STARD3NL: variants seen among roughly 807,000 people sequenced by gnomAD.
STARD3NL encodes the protein STARD3 N-terminal like.
A neutral mutation model predicts 30.9 loss-of-function variants in STARD3NL; 17 were observed. The observed-to-expected ratio is 0.55, with a 90% CI of 0.38 to 0.82. The LOEUF (loss-of-function observed/expected upper bound fraction) is 0.82, where lower values mean the gene tolerates loss of function less well. STARD3NL is among the 40% of genes least tolerant of loss of function. The probability of loss-of-function intolerance (pLI) is 0.00; values close to 1 mark genes in which losing one functional copy is unlikely to be tolerated. For missense variants in STARD3NL, 234 were observed against 277.6 expected (o/e 0.84, Z 1.12); for synonymous variants, 112 against 100.5 (o/e 1.11, Z -0.69).
intron 1 of STARD3NL, among the ~76,000 whole-genome samples, chr7:38,192,573 T>C (rs1784730991): frequency 6.6e-6 from 1 of 152,182 alleles, no homozygotes; most frequent in Non-Finnish European, 1.5e-5. Context: ...TGTGATTTTT[T>C]ACCATGATGA....
At chr7:38,194,022 A>G (rs1334657368) in intron 1 of STARD3NL, among the ~76,000 whole-genome samples, 2 of 152,286 alleles carry the variant, frequency 1.3e-5, no homozygotes, top group Middle Eastern at 3.4e-3. Context: ...AAATGCCCAT[A>G]AAACTGTCTG....
intron 1 of STARD3NL, among the ~76,000 whole-genome samples, chr7:38,181,055 T>G (rs558032390): frequency 3.3e-5 from 5 of 152,370 alleles, no homozygotes; most frequent in Non-Finnish European, 7.3e-5. Context: ...AGACATTGCT[T>G]CTTCTTGGGC....
chr7:38,189,033 A>G (rs905644828), intron 1 of STARD3NL, among the ~76,000 whole-genome samples: 3 of 152,188 alleles, frequency 2.0e-5, no homozygotes, highest in Admixed American at 6.5e-5. Context: ...TGTGCACACA[A>G]TTACTTTTAT....
intron 7 of STARD3NL, among the ~76,000 whole-genome samples, chr7:38,228,295 C>T (rs1360405491): frequency 2.6e-5 from 4 of 152,142 alleles, no homozygotes; most frequent in Non-Finnish European, 5.9e-5. Flanking sequence ...AATTCCAGAG[C>T]GGAATGACCA....
At chr7:38,196,125 C>T (rs1784888795) in intron 1 of STARD3NL, among the ~76,000 whole-genome samples, 1 of 152,176 alleles carries the variant, frequency 6.6e-6, no homozygotes, top group Admixed American at 6.5e-5. Context: ...TAAAATGTTA[C>T]ATCTTAATCA....
At chr7:38,205,255 G>A (rs919714114) in intron 1 of STARD3NL, among the ~76,000 whole-genome samples, 3 of 152,210 alleles carry the variant, frequency 2.0e-5, no homozygotes, top group Admixed American at 6.5e-5. Flanking sequence ...CTGGCAAACC[G>A]AATCCAGCAA....
At chr7:38,199,059 A>G (rs992328671) in intron 1 of STARD3NL, among the ~76,000 whole-genome samples, 3 of 152,254 alleles carry the variant, frequency 2.0e-5, no homozygotes, top group South Asian at 2.1e-4. Context: ...CAAGACATCA[A>G]TCTCTTTTTC....
chr7:38,181,583 CT>C (rs1784247739), intron 1 of STARD3NL, among the ~76,000 whole-genome samples: 1 of 152,096 alleles, frequency 6.6e-6, no homozygotes, highest in Non-Finnish European at 1.5e-5. Flanking sequence ...TTTGACTCTG[CT>C]GTAACTTAAT....
At chr7:38,213,482 G>A (rs148077545) in intron 2 of STARD3NL, among the ~76,000 whole-genome samples, 1 of 152,128 alleles carries the variant, frequency 6.6e-6, no homozygotes, top group East Asian at 1.9e-4. Flanking sequence ...ATTTGAACCT[G>A]GCAAAGGTGT....
At chr7:38,188,088 T>A (rs1337137981) in intron 1 of STARD3NL, among the ~76,000 whole-genome samples, 1 of 152,242 alleles carries the variant, frequency 6.6e-6, no homozygotes, top group East Asian at 1.9e-4. Context: ...CTTTGCTTCT[T>A]TCAGCAGAGC....
At position 38,205,836 on chromosome 7, in the gene STARD3NL, CTGTTTCTTTCCTCTTTCT is replaced by C. The variant is rs1278144461; in HGVS notation, c.-58-1608_-58-1591del. Among the ~76,000 whole-genome samples the C allele has an allele frequency of 3.9e-5, 6 of 152,176 alleles. No homozygotes were observed. In the East Asian group the frequency reaches 9.6e-4, roughly 24 times the overall value. ...CCCTCTACCCTCTGCCTTCTAATCA[CTGTTTCTTTCCTCTTTCT>C]TGAAGATAATCACTAACCTGACCTT... On this transcript the variant is annotated intron_variant, in intron 1 of 8. Transcript: ENST00000009041.
chr7:38,208,728 T>C (rs1421571678), intron 2 of STARD3NL, among the ~76,000 whole-genome samples: 1 of 152,212 alleles, frequency 6.6e-6, no homozygotes, highest in Non-Finnish European at 1.5e-5. Flanking sequence ...GGTTACTCTT[T>C]GCTAGGCACA....
Position 38,228,936 on chromosome 7 carries a change from G to A in STARD3NL, c.*17+65G>A, listed in dbSNP as rs1786943919. On this transcript the variant is annotated intron_variant, in intron 8 of 8. Transcript: ENST00000009041. ...AGTATGGAGATTTCCTTTGAGTAGA[G>A]TCAAAGTAGAATTCAAAGAATAAGA... is the stretch of plus-strand genomic sequence containing the variant. 74 of 1,160,474 alleles carry A rather than the reference G, an allele frequency of 6.4e-5. 1 individual carries two copies. The South Asian group carries it at 1.0e-3, about 16-fold the overall frequency. 71.9% of individuals were successfully genotyped at this position (1,160,474 alleles called of 1,614,324 possible). A position where few individuals can be genotyped will look rare whatever the true frequency, so the allele number is the denominator to read the frequency against.
intron 1 of STARD3NL, among the ~76,000 whole-genome samples, chr7:38,190,807 G>A (rs1177910870): frequency 6.6e-6 from 1 of 152,038 alleles, no homozygotes; most frequent in Non-Finnish European, 1.5e-5. Context: ...TCACCACATT[G>A]ACTTCTCTGA....
intron 1 of STARD3NL, among the ~76,000 whole-genome samples, chr7:38,205,867 C>G (rs1290293645): frequency 1.3e-5 from 2 of 152,166 alleles, no homozygotes; most frequent in Non-Finnish European, 2.9e-5. Flanking sequence ...AAGATAATCA[C>G]TAACCTGACC....
At chr7:38,212,277 A>G (rs745648826) in intron 2 of STARD3NL, among the ~76,000 whole-genome samples, 1 of 152,138 alleles carries the variant, frequency 6.6e-6, no homozygotes, top group Non-Finnish European at 1.5e-5. Flanking sequence ...AGATGAGCAC[A>G]CTTGCCTTCT....
In STARD3NL at chr7:38,207,487, C is replaced by T; in HGVS notation, c.-18C>T. ...GGATGGTGAGGTTGGAAAAAGGCTC[C>T]TGTAACCCTCCTCCAGGATGAACCA... is the stretch of plus-strand genomic sequence containing the variant. On this transcript the variant is annotated 5_prime_UTR_variant, in exon 2 of 9. Transcript: ENST00000009041. 1 of 1,612,676 alleles carries T rather than the reference C, an allele frequency of 6.2e-7. No homozygotes were observed. Among genetic ancestry groups the T allele is most frequent in the Non-Finnish European group, 8.5e-7 (1 of 1,179,260 alleles).
At chr7:38,214,712 G>A (rs940420236) in intron 3 of STARD3NL, among the ~76,000 whole-genome samples, 1 of 152,152 alleles carries the variant, frequency 6.6e-6, no homozygotes, top group Non-Finnish European at 1.5e-5. Context: ...CTTTCAAATG[G>A]CTCAAATAGA....
chr7:38,191,047 T>C (rs990766228), intron 1 of STARD3NL, among the ~76,000 whole-genome samples: 3 of 152,160 alleles, frequency 2.0e-5, no homozygotes, highest in Non-Finnish European at 2.9e-5. Flanking sequence ...TGTAAAAGCA[T>C]ATTATCCCCA....
Sources: allele counts gnomAD v4.1 joint callset (sites outside exome capture counted in the v4.1 genomes callset), GRCh38; gene constraint gnomAD v4.1.1; transcripts MANE v1.5; gene names NCBI Gene and HGNC (gene_info 2026-07-23, HGNC 2026-07-21).